INSYN2A: variants seen among roughly 807,000 people sequenced by gnomAD.
INSYN2A encodes the protein inhibitory synaptic factor 2A.
INSYN2A carries 17 observed loss-of-function variants against 39.4 expected under a neutral mutation model. That is an observed-to-expected ratio of 0.43 (90% CI 0.30 to 0.65). The LOEUF (loss-of-function observed/expected upper bound fraction) is 0.65. Ranked by LOEUF, INSYN2A falls within the 30% of genes least tolerant of loss-of-function variation. INSYN2A has a pLI of 0.14. For missense variants in INSYN2A, 595 were observed against 631.2 expected (o/e 0.94, Z 0.61); for synonymous variants, 255 against 265.7 (o/e 0.96, Z 0.39).
At chr10:127,152,620 G>T (rs1307866734) in intron 5 of INSYN2A, among the ~76,000 whole-genome samples, 3 of 152,216 alleles carry the variant, frequency 2.0e-5, no homozygotes, top group Non-Finnish European at 4.4e-5. Flanking sequence ...TGTGGGGGTT[G>T]CCCTGTGCAG....
At chr10:127,142,750 A>C (rs1480302375) in intron 5 of INSYN2A, among the ~76,000 whole-genome samples, 1 of 151,524 alleles carries the variant, frequency 6.6e-6, no homozygotes, top group Non-Finnish European at 1.5e-5. Context: ...CCACCCAAAC[A>C]CTCTGTGCCC....
chr10:127,192,099 T>C (rs960733972), intron 2 of INSYN2A, among the ~76,000 whole-genome samples: 1 of 152,228 alleles, frequency 6.6e-6, no homozygotes, highest in Non-Finnish European at 1.5e-5. Flanking sequence ...TTGGATAGAA[T>C]AGTATAATTC....
At position 127,176,901 on chromosome 10, in the gene INSYN2A, T is replaced by C. The variant is rs2055211472; in HGVS notation, c.-30A>G. On this transcript the variant is annotated 5_prime_UTR_variant, in exon 3 of 6. Coordinates refer to ENST00000522781, the MANE Select transcript of INSYN2A (RefSeq NM_001039762.3). This position sits in a 1 kb window ranked among gnomAD's most constrained non-coding sequence, Gnocchi z 4.4. ...CTGGAGCTGCCACGTCTCGAGCAGATAAATGTGGAGAGCCCTCCGAGGAGG... is the reference window on the plus strand; with the variant it reads ...CTGGAGCTGCCACGTCTCGAGCAGACAAATGTGGAGAGCCCTCCGAGGAGG... 1 of 153,476 alleles carries C rather than the reference T, an allele frequency of 6.5e-6. No individual in the cohort carries two copies. Among genetic ancestry groups the C allele is most frequent in the African/African-American group, 2.4e-5 (1 of 41,442 alleles). 9.5% of individuals were successfully genotyped at this position (153,476 alleles called of 1,614,324 possible).
intron 4 of INSYN2A, among the ~76,000 whole-genome samples, chr10:127,168,821 CTGCAG>C (rs1444541831): frequency 5.3e-5 from 8 of 152,194 alleles, no homozygotes; most frequent in African/African-American, 1.7e-4. Context: ...TGCACAGCTG[CTGCAG>C]CGGTGCACAA....
intron 2 of INSYN2A, among the ~76,000 whole-genome samples, chr10:127,185,761 C>T (rs1441067481): frequency 6.6e-6 from 1 of 152,164 alleles, no homozygotes; most frequent in Non-Finnish European, 1.5e-5. Context: ...TTTGGCATGA[C>T]TACCTTGAGT....
intron 4 of INSYN2A, among the ~76,000 whole-genome samples, chr10:127,174,250 C>T (rs1198974583): frequency 1.3e-5 from 2 of 152,156 alleles, no homozygotes; most frequent in Non-Finnish European, 2.9e-5. Context: ...GCGCTGCCTC[C>T]GATGTTACCT....
At chr10:127,148,833 T>C (rs778320928) in intron 5 of INSYN2A, among the ~76,000 whole-genome samples, 5 of 152,214 alleles carry the variant, frequency 3.3e-5, no homozygotes, top group Non-Finnish European at 7.3e-5. Context: ...GGAATCTCTT[T>C]TAATCTTCTT....
At chr10:127,155,792 G>C (rs967490749) in intron 4 of INSYN2A, among the ~76,000 whole-genome samples, 35 of 152,144 alleles carry the variant, frequency 2.3e-4, no homozygotes, top group African/African-American at 7.5e-4. Flanking sequence ...TTCTACTGGA[G>C]CTCGGCTCTA....
intron 2 of INSYN2A, among the ~76,000 whole-genome samples, chr10:127,178,042 C>T (rs909831423): frequency 2.6e-5 from 4 of 152,166 alleles, no homozygotes; most frequent in African/African-American, 9.7e-5. Flanking sequence ...ATCCTTAGCC[C>T]TTACTGAGTT....
At chr10:127,162,995 G>T (rs34543669) in intron 4 of INSYN2A, among the ~76,000 whole-genome samples, 4,223 of 152,252 alleles carry the variant, frequency 0.028, 81 homozygotes, top group Non-Finnish European at 0.045. Flanking sequence ...GTTCTAACCC[G>T]CATGCAAACC....
In INSYN2A at chr10:127,195,129, G is replaced by A. The variant is rs548901752; in HGVS notation, c.-395+868C>T. Among the ~76,000 whole-genome samples the A allele has an allele frequency of 1.9e-4, 29 of 152,324 alleles. No individual in the cohort carries two copies. In the East Asian group the frequency reaches 5.2e-3, roughly 27 times the overall value. ...ATATTTTTGGGTAGTAGAATGCTGA[G>A]GTCACAGGGAGCGGCTCTTTATCCA... On this transcript the variant is annotated intron_variant, in intron 1 of 5. Coordinates refer to ENST00000522781, the MANE Select transcript of INSYN2A (RefSeq NM_001039762.3).
At chr10:127,139,735 T>A (rs1169202981) in intron 5 of INSYN2A, among the ~76,000 whole-genome samples, 1 of 152,148 alleles carries the variant, frequency 6.6e-6, no homozygotes, top group East Asian at 1.9e-4. Context: ...TAAACTTCAA[T>A]TCTTTCACTT....
chr10:127,175,369 C>T lies in INSYN2A; in HGVS notation c.1027G>A (p.Gly343Ser), dbSNP rs772328385. 3 of 1,614,066 alleles carry T rather than the reference C, an allele frequency of 1.9e-6. No homozygotes were observed. In the East Asian group the frequency reaches 6.7e-5, roughly 36 times the overall value. Reference sequence around the variant, plus strand: ...GGCACGATTCGTTGGCATTCTTCACCTGCAGCAACCGCTGTGGGACTAGGC... The same window carrying T: ...GGCACGATTCGTTGGCATTCTTCACTTGCAGCAACCGCTGTGGGACTAGGC... Reference protein sequence around the residue: ...NQPSPTAVAAGEECQRIVPHT... With the variant: ...NQPSPTAVAASEECQRIVPHT... Residue 343 changes from glycine (G) to serine (S), a missense_variant, in exon 4 of 6, where the codon GGT (glycine) becomes AGT (serine). By Grantham distance (56) the Gly-to-Ser change is moderately conservative. Coordinates refer to ENST00000522781, the MANE Select transcript of INSYN2A (RefSeq NM_001039762.3). The surrounding 1 kb of genome is among the most constrained non-coding windows in gnomAD (Gnocchi z 6.3).
At chr10:127,171,307 C>T (rs2054547984) in intron 4 of INSYN2A, among the ~76,000 whole-genome samples, 1 of 152,230 alleles carries the variant, frequency 6.6e-6, no homozygotes, top group African/African-American at 2.4e-5. Flanking sequence ...CAGGGAAGCA[C>T]TTGCCTGACA....
chr10:127,189,359 G>A (rs1396130247), intron 2 of INSYN2A, among the ~76,000 whole-genome samples: 1 of 152,206 alleles, frequency 6.6e-6, no homozygotes, highest in Non-Finnish European at 1.5e-5. Context: ...CCTGCCCAGT[G>A]CAGTGTGGGG....
chr10:127,136,139 C>T lies in INSYN2A; in HGVS notation c.*1698G>A, dbSNP rs993948849. 1 of 152,160 alleles carries T rather than the reference C, an allele frequency of 6.6e-6. No individual in the cohort carries two copies. Among genetic ancestry groups the T allele is most frequent in the African/African-American group, 2.4e-5 (1 of 41,412 alleles). 9.4% of individuals were successfully genotyped at this position (152,160 alleles called of 1,614,324 possible). ...GTGTGTTTTAAATTAAAGCATACAA[C>T]TGCAGTGTTGTTTGGCCCCCGAAGA... On this transcript the variant is annotated 3_prime_UTR_variant, in exon 6 of 6. Coordinates refer to ENST00000522781, the MANE Select transcript of INSYN2A (RefSeq NM_001039762.3).
chr10:127,140,042 G>A (rs907826332), intron 5 of INSYN2A, among the ~76,000 whole-genome samples: 1 of 152,096 alleles, frequency 6.6e-6, no homozygotes, highest in African/African-American at 2.4e-5. Context: ...TTCTACCAAG[G>A]TGCTTTGGTA....
At chr10:127,166,026 A>C (rs1212007742) in intron 4 of INSYN2A, among the ~76,000 whole-genome samples, 2 of 152,204 alleles carry the variant, frequency 1.3e-5, no homozygotes, top group African/African-American at 4.8e-5. Context: ...TTGCATTAGC[A>C]AAAAAATTAA....
chr10:127,179,929 A>T (rs2055565579), intron 2 of INSYN2A, among the ~76,000 whole-genome samples: 1 of 152,190 alleles, frequency 6.6e-6, no homozygotes, highest in Non-Finnish European at 1.5e-5. Context: ...TCATATCCTT[A>T]CAAGGCAGCC....
Sources: gnomAD v4.1 joint callset for allele counts (sites outside exome capture counted in the v4.1 genomes callset) on GRCh38, gnomAD v4.1.1 for gene constraint, Gnocchi (gnomAD v3.1) non-coding constraint, MANE v1.5 for transcripts, NCBI Gene and HGNC (gene_info 2026-07-23, HGNC 2026-07-21) for gene names.